Variants in BMPER observed in about 807,000 individuals in gnomAD.
BMPER encodes BMP binding endothelial regulator.
A neutral mutation model predicts 87.3 loss-of-function variants in BMPER; 45 were observed. That is an observed-to-expected ratio of 0.52 (90% CI 0.41 to 0.66). The LOEUF (loss-of-function observed/expected upper bound fraction) is 0.66, where lower values mean the gene tolerates loss of function less well. Among genes scored for constraint, BMPER ranks in the 30% least tolerant of loss-of-function variants. The pLI is 0.00. For missense variants in BMPER, 784 were observed against 867.5 expected, an observed-to-expected ratio of 0.90 and a Z score of 1.21; for synonymous variants, 326 against 316.2, an observed-to-expected ratio of 1.03 and a Z score of -0.33.
chr7:34,124,965 A>G (rs1018717380), intron 13 of BMPER, among the ~76,000 whole-genome samples: 5 of 152,020 alleles, frequency 3.3e-5, no homozygotes, highest in Non-Finnish European at 7.4e-5. Flanking sequence ...AGATCAGTAA[A>G]TATCTTGAGA....
chr7:33,958,363 G>C (rs1451935065), intron 3 of BMPER, among the ~76,000 whole-genome samples: 1 of 152,254 alleles, frequency 6.6e-6, no homozygotes, highest in East Asian at 1.9e-4. Context: ...CTCATTATTT[G>C]TTGCTTCCTA....
chr7:33,972,053 C>T (rs1785562201), intron 5 of BMPER, among the ~76,000 whole-genome samples: 1 of 152,138 alleles, frequency 6.6e-6, no homozygotes, highest in Admixed American at 6.5e-5. Context: ...CAGGCACCCG[C>T]CACCATGCCT....
chr7:33,946,479 C>G (rs551782813), intron 3 of BMPER, among the ~76,000 whole-genome samples: 2 of 152,248 alleles, frequency 1.3e-5, no homozygotes, highest in African/African-American at 4.8e-5. Context: ...GCACAAGGCT[C>G]CCGGGTGAAG....
Position 33,922,976 on chromosome 7 carries a change from C to T in BMPER, c.220-14313C>T, listed in dbSNP as rs1784272364. Among the ~76,000 whole-genome samples the T allele has an allele frequency of 2.0e-5, 3 of 152,160 alleles. No homozygotes were observed. In the South Asian group the frequency reaches 6.2e-4, roughly 32 times the overall value. The stretch of plus-strand genomic sequence containing the variant: ...TCCCAAAATTGCAACACATTGCTAG[C>T]TTGTTTCTCCATTGACCTCTGTCTC... On this transcript the variant is annotated intron_variant, in intron 2 of 14. Coordinates refer to ENST00000649409, the MANE Select transcript of BMPER (RefSeq NM_001365308.1).
intron 11 of BMPER, among the ~76,000 whole-genome samples, chr7:34,065,291 A>G (rs1788558497): frequency 7.5e-6 from 1 of 133,376 alleles, no homozygotes; most frequent in Admixed American, 8.6e-5. Context: ...GGAGTTTTCA[A>G]CCTCAGTCTT....
At chr7:34,042,335 AC>A (rs1305596432) in intron 6 of BMPER, among the ~76,000 whole-genome samples, 1 of 152,330 alleles carries the variant, frequency 6.6e-6, no homozygotes, top group East Asian at 1.9e-4. Context: ...ACACACAAGT[AC>A]AATGAAAGTT....
chr7:33,943,853 A>T (rs2128611275), intron 3 of BMPER, among the ~76,000 whole-genome samples: 1 of 152,198 alleles, frequency 6.6e-6, no homozygotes, highest in South Asian at 2.1e-4. Flanking sequence ...ATTTCCCCTT[A>T]TTACCAGGGA....
At chr7:33,933,241 C>T (rs533623651) in intron 2 of BMPER, among the ~76,000 whole-genome samples, 28 of 152,098 alleles carry the variant, frequency 1.8e-4, no homozygotes, top group Non-Finnish European at 4.0e-4. Flanking sequence ...TAATGTGCCT[C>T]CAGAGGCTAC....
chr7:34,082,357 C>T lies in BMPER; in HGVS notation c.1408+3171C>T, dbSNP rs561136463. On this transcript the variant is annotated intron_variant, in intron 12 of 14. Transcript: ENST00000649409. ...TTTTTTTTTTTTTTTTGGTCTTTCA[C>T]TACTGTAATCTACTTTGTATGGATT... 1.3e-4 allele frequency among the ~76,000 whole-genome samples: 8 copies of T among 59,486 alleles called. 1 individual carries two copies. The South Asian group carries it at 4.6e-3, about 35-fold the overall frequency. 39.0% of individuals were successfully genotyped at this position (59,486 alleles called of 152,430 possible).
chr7:33,989,443 G>A (rs1406499800), intron 6 of BMPER, among the ~76,000 whole-genome samples: 7 of 151,864 alleles, frequency 4.6e-5, no homozygotes, highest in African/African-American at 1.2e-4. Flanking sequence ...CATGTCCTTC[G>A]CCCACTTTTT....
intron 12 of BMPER, among the ~76,000 whole-genome samples, chr7:34,083,420 C>G (rs1392999455): frequency 6.6e-6 from 1 of 152,152 alleles, no homozygotes; most frequent in Non-Finnish European, 1.5e-5. Context: ...TGTTTAATTT[C>G]TTTTCTGAAC....
intron 6 of BMPER, among the ~76,000 whole-genome samples, chr7:33,990,500 T>G (rs1302286474): frequency 6.8e-6 from 1 of 147,822 alleles, no homozygotes; most frequent in Non-Finnish European, 1.5e-5. Flanking sequence ...GCTTATCAGC[T>G]TAAGGAGATT....
rs924560436 is a variant in BMPER, at chr7:34,018,527, G to A, written c.577-27779G>A. On this transcript the variant is annotated intron_variant, in intron 6 of 14. Transcript: ENST00000649409. ...AAAAGGGCCTGGCAAAATTCTGCAT[G>A]CCTCGCAAAAGTTGAGAGATGAAAC... Among the ~76,000 whole-genome samples, 4 of 151,976 alleles carry A rather than the reference G, an allele frequency of 2.6e-5. No individual in the cohort carries two copies. In the East Asian group the frequency reaches 7.8e-4, roughly 30 times the overall value.
chr7:33,994,465 C>T (rs138870732), intron 6 of BMPER, among the ~76,000 whole-genome samples: 4,731 of 152,304 alleles, frequency 0.031, 97 homozygotes, highest in Non-Finnish European at 0.047. Context: ...GGCAATGCCT[C>T]ACCCTGCTTT....
chr7:34,052,977 A>G (rs1450192432), intron 8 of BMPER, among the ~76,000 whole-genome samples: 1 of 152,138 alleles, frequency 6.6e-6, no homozygotes, highest in Non-Finnish European at 1.5e-5. Flanking sequence ...CTTGGCCTTC[A>G]TCCTCAGGAC....
intron 13 of BMPER, among the ~76,000 whole-genome samples, chr7:34,114,929 A>C (rs1011680295): frequency 6.6e-6 from 1 of 152,256 alleles, no homozygotes; most frequent in Non-Finnish European, 1.5e-5. Context: ...AAACAGTAAG[A>C]GAGAGTCAAG....
At chr7:33,921,965 C>T (rs1189585886) in intron 2 of BMPER, 3 of 406,622 alleles carry the variant, frequency 7.4e-6, no homozygotes, top group Non-Finnish European at 1.5e-5. Flanking sequence ...AAGCTATTTC[C>T]TTCGGCTGGC....
rs558728442 is a variant in BMPER at position 33,985,212 on chromosome 7, A to G, written c.576+10428A>G. Among the ~76,000 whole-genome samples the G allele has an allele frequency of 7.4e-4, 112 of 152,328 alleles. 1 individual carries two copies. The highest frequency in any genetic ancestry group is 3.4e-3 in the Middle Eastern group (1 of 294). The stretch of plus-strand genomic sequence containing the variant: ...ATAATTGTACAACTCGAGGATAACT[A>G]CTGTTAATATGATTTGATATATTTC... On this transcript the variant is annotated intron_variant, in intron 6 of 14. Coordinates refer to ENST00000649409, the MANE Select transcript of BMPER (RefSeq NM_001365308.1).
chr7:33,922,576 A>G (rs540955179), intron 2 of BMPER, among the ~76,000 whole-genome samples: 1 of 152,336 alleles, frequency 6.6e-6, no homozygotes, highest in African/African-American at 2.4e-5. Flanking sequence ...TAAGCAGAAA[A>G]GAGGGATGAG....
Sources: gnomAD v4.1 joint callset for allele counts (sites outside exome capture counted in the v4.1 genomes callset) on GRCh38, gnomAD v4.1.1 for gene constraint, MANE v1.5 for transcripts, NCBI Gene and HGNC (gene_info 2026-07-23, HGNC 2026-07-21) for gene names.